Variants in MAP2K2 observed in about 807,000 individuals in gnomAD.
The protein encoded by MAP2K2 is mitogen-activated protein kinase kinase 2, also known as dual specificity mitogen-activated protein kinase kinase 2.
MAP2K2 carries 24 observed loss-of-function variants against 43.7 expected under a neutral mutation model. The observed-to-expected ratio is 0.55, with a 90% confidence interval of 0.40 to 0.77. MAP2K2 has a LOEUF of 0.77. Among genes scored for constraint, MAP2K2 ranks in the 30% least tolerant of loss-of-function variants. MAP2K2 has a pLI of 0.00. For synonymous variants in MAP2K2, 244 were observed against 239.7 expected, an observed-to-expected ratio of 1.02 and a Z score of -0.17; for missense variants, 470 against 566.8, an observed-to-expected ratio of 0.83 and a Z score of 1.73.
chr19:4,098,170 A>G lies in MAP2K2; in HGVS notation c.920-827T>C, dbSNP rs1488340150. ...CATGGCGTGGATGACCCTTGAGGAC[A>G]CTGCGCTCCAGGAGAGAAGCCACAC... is the stretch of plus-strand genomic sequence containing the variant. On this transcript the variant is annotated intron_variant, in intron 7 of 10. Coordinates refer to ENST00000262948, the MANE Select transcript of MAP2K2 (RefSeq NM_030662.4). Among the ~76,000 whole-genome samples the G allele has an allele frequency of 2.6e-5, 4 of 152,198 alleles. No homozygotes were observed. The East Asian group carries it at 7.7e-4, about 29-fold the overall frequency.
In MAP2K2 at chr19:4,101,307, G is replaced by T. The variant is rs371369471; in HGVS notation, c.529-27C>A. On this transcript the variant is annotated intron_variant, in intron 4 of 10. Coordinates refer to ENST00000262948, the MANE Select transcript of MAP2K2 (RefSeq NM_030662.4). The surrounding 1 kb of genome is among the most constrained non-coding windows in gnomAD (Gnocchi z 6.3). ...TGCAGGGGAGCGCGGAGGGAGTCACGGGACAAGGCCACCAGGGCTTAGCTC... is the reference window on the plus strand; with the variant it reads ...TGCAGGGGAGCGCGGAGGGAGTCACTGGACAAGGCCACCAGGGCTTAGCTC... 862 of 1,565,772 alleles carry T rather than the reference G, an allele frequency of 5.5e-4. No individual in the cohort carries two copies. The highest frequency in any genetic ancestry group is 6.9e-4 in the Non-Finnish European group (801 of 1,155,610).
intron 6 of MAP2K2, chr19:4,100,285 C>T (rs2040985388): frequency 6.6e-6 from 1 of 151,752 alleles, no homozygotes; most frequent in South Asian, 2.1e-4. Flanking sequence ...ACCAAATTAC[C>T]CAGCTGTGGT....
At chr19:4,110,922 C>A (rs1383295092) in intron 2 of MAP2K2, among the ~76,000 whole-genome samples, 1 of 152,178 alleles carries the variant, frequency 6.6e-6, no homozygotes, top group Non-Finnish European at 1.5e-5. Flanking sequence ...GCCAACCCAG[C>A]GCAGCCCACC....
In MAP2K2 at chr19:4,124,120, G is replaced by A. The variant is rs1652229349; in HGVS notation, c.-245C>T. On this transcript the variant is annotated 5_prime_UTR_variant, in exon 1 of 11. Coordinates refer to ENST00000262948, the MANE Select transcript of MAP2K2 (RefSeq NM_030662.4). ...GGCTGACGCCGCAGCCCGAGTCCGA[G>A]AGGCAGGGGGAGGGGAGGGGCGGCC... is the stretch of plus-strand genomic sequence containing the variant. The A allele has an allele frequency of 1.4e-5, 3 of 213,854 alleles. No homozygotes were observed. Among genetic ancestry groups the A allele is most frequent in the African/African-American group, 2.3e-5 (1 of 44,192 alleles). 13.2% of individuals were successfully genotyped at this position (213,854 alleles called of 1,614,324 possible).
rs763424788 is a variant in MAP2K2, at chr19:4,099,197, G to C, written c.919+4C>G. The C allele has an allele frequency of 6.3e-7, 1 of 1,597,080 alleles. No individual in the cohort carries two copies. Among genetic ancestry groups the C allele is most frequent in the Non-Finnish European group, 8.5e-7 (1 of 1,173,028 alleles). On this transcript the variant is annotated splice_donor_region_variant and intron_variant, in intron 7 of 10. Coordinates refer to ENST00000262948, the MANE Select transcript of MAP2K2 (RefSeq NM_030662.4). The stretch of plus-strand genomic sequence containing the variant: ...AGACCGGAAGTTGCAGATTCAGGCC[G>C]TACCGCTGACGGGGCGCCCGGGGGG...
intron 3 of MAP2K2, among the ~76,000 whole-genome samples, chr19:4,108,987 A>G (rs1044268020): frequency 1.3e-5 from 2 of 152,210 alleles, no homozygotes; most frequent in Non-Finnish European, 2.9e-5. Flanking sequence ...TCTCCCTCGC[A>G]GGCGGGAAAG....
chr19:4,110,032 G>A (rs350901), intron 3 of MAP2K2, among the ~76,000 whole-genome samples: 137,908 of 152,118 alleles, frequency 0.91, 64,023 homozygotes, highest in Non-Finnish European at 1. Context: ...GGCTGGGCGC[G>A]GTGGCTCACA....
At chr19:4,096,516 C>G (rs1000867343) in intron 8 of MAP2K2, among the ~76,000 whole-genome samples, 3 of 152,188 alleles carry the variant, frequency 2.0e-5, no homozygotes, top group Non-Finnish European at 4.4e-5. Context: ...GAGGCCGCGT[C>G]CCTCCTTGTG....
At chr19:4,106,265 T>C (rs937638736) in intron 3 of MAP2K2, among the ~76,000 whole-genome samples, 1 of 152,086 alleles carries the variant, frequency 6.6e-6, no homozygotes, top group Non-Finnish European at 1.5e-5. Flanking sequence ...ATAAATTAGC[T>C]GTGCATGGTG....
rs6630 is a variant in MAP2K2 at position 4,090,424 on chromosome 19, G to C, written c.*174C>G. ...TCCCCAGAGGCACCCCGGCCAGGACGGGCAGGAGAGGAGACCCCCGTTCCT... is the reference window on the plus strand; with the variant it reads ...TCCCCAGAGGCACCCCGGCCAGGACCGGCAGGAGAGGAGACCCCCGTTCCT... On this transcript the variant is annotated 3_prime_UTR_variant, in exon 11 of 11. Coordinates refer to ENST00000262948, the MANE Select transcript of MAP2K2 (RefSeq NM_030662.4). 1 of 656,520 alleles carries C rather than the reference G, an allele frequency of 1.5e-6. No individual in the cohort carries two copies. Among genetic ancestry groups the C allele is most frequent in the Non-Finnish European group, 2.8e-6 (1 of 361,906 alleles). The allele number at this position is 656,520 out of a possible 1,614,324, so 40.7% of individuals were successfully genotyped here.
chr19:4,115,983 G>A lies in MAP2K2; in HGVS notation c.303+1436C>T, dbSNP rs2041215444. Among the ~76,000 whole-genome samples the A allele has an allele frequency of 6.6e-6, 1 of 152,162 alleles. No individual in the cohort carries two copies. The highest frequency in any genetic ancestry group is 2.4e-5 in the African/African-American group (1 of 41,430). Reference sequence around the variant, plus strand: ...CACAGAGCACAGAGGCTGCATCATGGCCCAGGAGCCCGGGATGACTAAGCA... The same window carrying A: ...CACAGAGCACAGAGGCTGCATCATGACCCAGGAGCCCGGGATGACTAAGCA... On this transcript the variant is annotated intron_variant, in intron 2 of 10. Transcript: ENST00000262948. This position sits in a 1 kb window ranked among gnomAD's most constrained non-coding sequence, Gnocchi z 4.1.
intron 7 of MAP2K2, 23 bp downstream of exon 7, chr19:4,099,178 G>A (rs753982568): frequency 6.3e-7 from 1 of 1,584,478 alleles, no homozygotes; most frequent in Non-Finnish European, 8.6e-7. Context: ...GTCCAGACCG[G>A]AAGTTGCAGA....
intron 1 of MAP2K2, among the ~76,000 whole-genome samples, chr19:4,121,730 G>T (rs374874759): frequency 9.7e-6 from 1 of 103,366 alleles, no homozygotes; most frequent in Non-Finnish European, 1.9e-5. Context: ...TCTGGAACCC[G>T]CTAGAACTCC....
chr19:4,095,018 T>C, intron 9 of MAP2K2: 1 of 356,982 alleles, frequency 2.8e-6, no homozygotes, highest in Non-Finnish European at 5.3e-6. Context: ...GGCAGGAGAA[T>C]GGAGTGGGGC....
chr19:4,108,573 T>C (rs1335344508), intron 3 of MAP2K2, among the ~76,000 whole-genome samples: 8 of 151,926 alleles, frequency 5.3e-5, no homozygotes, highest in Non-Finnish European at 4.4e-5. Context: ...TTTTAAAGGG[T>C]GCACTCCATA....
In MAP2K2 at chr19:4,099,235, C is replaced by T. The variant is rs368405565; in HGVS notation, c.885G>A (p.Ser295=). ...DGEEGEPHSI[S]PRPRPPGRPV... is the part of the protein sequence containing the mutation. ...GGCGCCCGGGGGGCCTCGGCCGAGG[C>T]GAGATGCTGTGAGGCTCTCCTTCTT... Residue 295 remains serine, a synonymous_variant, in exon 7 of 11, where the codon TCG becomes TCA. Transcript: ENST00000262948. 5.0e-6 allele frequency: 8 copies of T among 1,605,216 alleles called. No homozygotes were observed. In the Admixed American group the frequency reaches 6.8e-5, roughly 14 times the overall value.
In MAP2K2 at chr19:4,120,861, G is replaced by A. The variant is rs540045307; in HGVS notation, c.92+2923C>T. 7.6e-5 allele frequency among the ~76,000 whole-genome samples: 11 copies of A among 145,534 alleles called. No individual in the cohort carries two copies. In the East Asian group the frequency reaches 1.9e-3, roughly 26 times the overall value. On this transcript the variant is annotated intron_variant, in intron 1 of 10. Coordinates refer to ENST00000262948, the MANE Select transcript of MAP2K2 (RefSeq NM_030662.4). ...AAATGTGAAGGGCGAGTTCTGTGCAGAGAATGAGGAACGGGTCCCCGTGTC... is the reference window on the plus strand; with the variant it reads ...AAATGTGAAGGGCGAGTTCTGTGCAAAGAATGAGGAACGGGTCCCCGTGTC...
At chr19:4,094,157 C>T (rs914114513) in intron 10 of MAP2K2, among the ~76,000 whole-genome samples, 7 of 152,152 alleles carry the variant, frequency 4.6e-5, no homozygotes, top group Non-Finnish European at 2.9e-5. Flanking sequence ...CAAAGAAGCC[C>T]GGGGTCTCAT....
chr19:4,112,677 T>G, intron 2 of MAP2K2, among the ~76,000 whole-genome samples: 1 of 146,410 alleles, frequency 6.8e-6, no homozygotes, highest in African/African-American at 2.5e-5. Flanking sequence ...TGCCCGCCCC[T>G]GCCTGCCCCT....
Sources: allele counts gnomAD v4.1 joint callset (sites outside exome capture counted in the v4.1 genomes callset), GRCh38; gene constraint gnomAD v4.1.1; non-coding constraint Gnocchi (gnomAD v3.1); transcripts MANE v1.5; gene names NCBI Gene and HGNC (gene_info 2026-07-23, HGNC 2026-07-21).